Variants in DRC11 observed in about 807,000 individuals in gnomAD.
The protein encoded by DRC11 is dynein regulatory complex subunit 11.
At chr2:236,324,749 C>A in the DRC11 span, 1 of 1,605,980 alleles carries the variant, frequency 6.2e-7, no homozygotes, top group Non-Finnish European at 8.5e-7. This position sits in a 1 kb window ranked among gnomAD's most constrained non-coding sequence, Gnocchi z 5.7. Flanking sequence ...CGCCAAGGCA[C>A]GTTTTTTACC....
the DRC11 span, chr2:236,332,077 A>C: frequency 1.8e-5 from 3 of 163,924 alleles, no homozygotes; most frequent in Non-Finnish European, 4.1e-5. This position sits in a 1 kb window ranked among gnomAD's most constrained non-coding sequence, Gnocchi z 5.1. Flanking sequence ...AGTTTTCATC[A>C]GCTACTGCCA....
chr2:236,504,569 A>G, the DRC11 span, among the ~76,000 whole-genome samples: 3 of 152,294 alleles, frequency 2.0e-5, no homozygotes, highest in East Asian at 5.8e-4. This position sits in a 1 kb window ranked among gnomAD's most constrained non-coding sequence, Gnocchi z 5.0. Flanking sequence ...CGCCTCCTTC[A>G]CTGGCAAACC....
chr2:236,484,024 A>G, the DRC11 span, among the ~76,000 whole-genome samples: 1 of 152,228 alleles, frequency 6.6e-6, no homozygotes, highest in East Asian at 1.9e-4. Flanking sequence ...CCTGAAAGTG[A>G]AAAGAGGAAG....
the DRC11 span, among the ~76,000 whole-genome samples, chr2:236,415,136 T>C: frequency 1.3e-5 from 2 of 152,150 alleles, no homozygotes; most frequent in Non-Finnish European, 2.9e-5. This position sits in a 1 kb window ranked among gnomAD's most constrained non-coding sequence, Gnocchi z 5.7. Flanking sequence ...GTTGAAATAT[T>C]CAGATAGGAT....
At chr2:236,470,410 T>C in the DRC11 span, among the ~76,000 whole-genome samples, 9 of 152,220 alleles carry the variant, frequency 5.9e-5, no homozygotes, top group South Asian at 1.2e-3. The surrounding 1 kb of genome is among the most constrained non-coding windows in gnomAD (Gnocchi z 5.1). Flanking sequence ...AATGCAGAGA[T>C]TGATGAGCAC....
chr2:236,398,176 C>T, the DRC11 span, among the ~76,000 whole-genome samples: 65,939 of 151,962 alleles, frequency 0.43, 14,746 homozygotes, highest in African/African-American at 0.47. The surrounding 1 kb of genome is among the most constrained non-coding windows in gnomAD (Gnocchi z 6.2). Flanking sequence ...ATGTTAGTTT[C>T]CCCTTTTGAC....
chr2:236,459,595 G>GTA, the DRC11 span, among the ~76,000 whole-genome samples: 1,118 of 105,236 alleles, frequency 0.011, 7 homozygotes, highest in Admixed American at 0.015. Flanking sequence ...ATACGTATAC[G>GTA]TATACATATA....
chr2:236,392,328 C>T, the DRC11 span: 1 of 1,593,294 alleles, frequency 6.3e-7, no homozygotes. The surrounding 1 kb of genome is among the most constrained non-coding windows in gnomAD (Gnocchi z 5.1). Flanking sequence ...AATTCCAAGA[C>T]TCATCTTTTT....
At chr2:236,317,964 A>T in the DRC11 span, among the ~76,000 whole-genome samples, 202 of 152,288 alleles carry the variant, frequency 1.3e-3, no homozygotes, top group Non-Finnish European at 2.3e-3. The surrounding 1 kb of genome is among the most constrained non-coding windows in gnomAD (Gnocchi z 5.4). Context: ...CCCCTCATTC[A>T]GTCTCCATCC....
At chr2:236,483,102 A>G in the DRC11 span, among the ~76,000 whole-genome samples, 1 of 152,128 alleles carries the variant, frequency 6.6e-6, no homozygotes, top group Non-Finnish European at 1.5e-5. This position sits in a 1 kb window ranked among gnomAD's most constrained non-coding sequence, Gnocchi z 4.8. Flanking sequence ...GAGTTTGACT[A>G]CTTTAGATAG....
the DRC11 span, among the ~76,000 whole-genome samples, chr2:236,422,701 C>A: frequency 6.6e-6 from 1 of 152,204 alleles, no homozygotes; most frequent in East Asian, 1.9e-4. Flanking sequence ...GAAAAAACTA[C>A]TTTAAAGTTC....
the DRC11 span, chr2:236,324,145 A>C: frequency 6.6e-6 from 1 of 152,290 alleles, no homozygotes; most frequent in Non-Finnish European, 1.5e-5. The surrounding 1 kb of genome is among the most constrained non-coding windows in gnomAD (Gnocchi z 5.7). Context: ...CAAATTACCG[A>C]GTCAGTTCAA....
chr2:236,435,943 A>T, the DRC11 span, among the ~76,000 whole-genome samples: 1 of 152,198 alleles, frequency 6.6e-6, no homozygotes, highest in Non-Finnish European at 1.5e-5. Flanking sequence ...TTATGAGCCA[A>T]AGCACATACA....
At chr2:236,498,011 T>A in the DRC11 span, among the ~76,000 whole-genome samples, 1 of 152,144 alleles carries the variant, frequency 6.6e-6, no homozygotes, top group African/African-American at 2.4e-5. Context: ...GTAGATAACA[T>A]AAATGTCCAC....
chr2:236,444,425 G>A, the DRC11 span, among the ~76,000 whole-genome samples: 1,221 of 152,348 alleles, frequency 8.0e-3, 47 homozygotes, highest in East Asian at 0.12. Flanking sequence ...AAAATAGCAC[G>A]CAATGTCTTG....
At chr2:236,457,385 C>T in the DRC11 span, among the ~76,000 whole-genome samples, 1 of 152,238 alleles carries the variant, frequency 6.6e-6, no homozygotes, top group Non-Finnish European at 1.5e-5. The surrounding 1 kb of genome is among the most constrained non-coding windows in gnomAD (Gnocchi z 4.7). Context: ...CTGCAAAGTC[C>T]TATTGCACAG....
At chr2:236,309,632 C>T in the DRC11 span, among the ~76,000 whole-genome samples, 4 of 152,234 alleles carry the variant, frequency 2.6e-5, no homozygotes, top group African/African-American at 4.8e-5. This position sits in a 1 kb window ranked among gnomAD's most constrained non-coding sequence, Gnocchi z 5.7. Flanking sequence ...CAAAATGACA[C>T]GTCTCCATCT....
At chr2:236,486,980 T>G in the DRC11 span, 2 of 1,035,552 alleles carry the variant, frequency 1.9e-6, no homozygotes, top group East Asian at 5.2e-5. This position sits in a 1 kb window ranked among gnomAD's most constrained non-coding sequence, Gnocchi z 5.7. Context: ...CCATATAAAC[T>G]GCACATCTCA....
the DRC11 span, among the ~76,000 whole-genome samples, chr2:236,436,925 T>C: frequency 6.6e-6 from 1 of 152,196 alleles, no homozygotes; most frequent in Non-Finnish European, 1.5e-5. Flanking sequence ...GAAAGTTCCC[T>C]ATTATAGCTT....
Sources: gnomAD v4.1 joint callset for allele counts (sites outside exome capture counted in the v4.1 genomes callset) on GRCh38, gnomAD v4.1.1 for gene constraint, Gnocchi (gnomAD v3.1) non-coding constraint, MANE v1.5 for transcripts, NCBI Gene and HGNC (gene_info 2026-07-23, HGNC 2026-07-21) for gene names.